Variants in TMEM108 observed in about 807,000 individuals in gnomAD.
TMEM108 encodes the protein cancer/testis antigen 124.
In TMEM108, 12 loss-of-function variants were observed where a neutral mutation model predicts 35.1. The observed-to-expected ratio is 0.34, with a 90% CI of 0.22 to 0.55. The LOEUF is 0.55. TMEM108 is among the 20% of genes least tolerant of loss of function. The pLI is 0.89. For synonymous variants in TMEM108, 287 were observed against 308.6 expected, an observed-to-expected ratio of 0.93 and a Z score of 0.73; for missense variants, 680 against 753.3, an observed-to-expected ratio of 0.90 and a Z score of 1.14.
rs1003114192 is a variant in TMEM108 at position 133,048,096 on chromosome 3, T to TA, written c.-47+2084dup. Among the ~76,000 whole-genome samples, 148 of 151,812 alleles carry TA rather than the reference T, an allele frequency of 9.7e-4. 1 individual carries two copies. The highest frequency in any genetic ancestry group is 1.9e-4 in the East Asian group (1 of 5,166). ...GGATGAAAACTTTCCTTTGCAAAGT[T>TA]AAAAAAAAGGGAAGAGTGGATGAGG... On this transcript the variant is annotated intron_variant, in intron 2 of 5. Transcript: ENST00000321871.
At chr3:133,134,976 A>C (rs1944544189) in intron 2 of TMEM108, among the ~76,000 whole-genome samples, 1 of 152,182 alleles carries the variant, frequency 6.6e-6, no homozygotes, top group African/African-American at 2.4e-5. Flanking sequence ...CCTTTAAAAA[A>C]AAAATCTCTA....
chr3:133,109,351 G>A (rs1944198249), intron 2 of TMEM108, among the ~76,000 whole-genome samples: 1 of 152,112 alleles, frequency 6.6e-6, no homozygotes, highest in South Asian at 2.1e-4. Flanking sequence ...GGTACTGCCA[G>A]GCATAGTGGC....
intron 3 of TMEM108, among the ~76,000 whole-genome samples, chr3:133,309,339 G>C (rs1005456322): frequency 6.6e-6 from 1 of 151,992 alleles, no homozygotes; most frequent in African/African-American, 2.4e-5. Context: ...TTTTTTGAAG[G>C]GTTTTTTGTG....
intron 2 of TMEM108, among the ~76,000 whole-genome samples, chr3:133,175,857 A>G (rs1460987724): frequency 6.6e-6 from 1 of 152,242 alleles, no homozygotes; most frequent in African/African-American, 2.4e-5. Flanking sequence ...AAATGCTTCA[A>G]TTAAAAGACA....
At chr3:133,322,753 A>G (rs988072532) in intron 3 of TMEM108, among the ~76,000 whole-genome samples, 1 of 152,206 alleles carries the variant, frequency 6.6e-6, no homozygotes, top group African/African-American at 2.4e-5. Flanking sequence ...GTGAATATAG[A>G]TGCAAAAAAC....
At chr3:133,219,537 G>A (rs1945957421) in intron 2 of TMEM108, among the ~76,000 whole-genome samples, 1 of 151,940 alleles carries the variant, frequency 6.6e-6, no homozygotes. Flanking sequence ...CTTTGGTGTA[G>A]TATGTGCTTA....
intron 2 of TMEM108, among the ~76,000 whole-genome samples, chr3:133,193,745 C>T (rs1276761523): frequency 6.6e-6 from 1 of 152,054 alleles, no homozygotes; most frequent in Non-Finnish European, 1.5e-5. Flanking sequence ...AGGTCTCTTT[C>T]TCATATTACT....
intron 2 of TMEM108, among the ~76,000 whole-genome samples, chr3:133,126,045 A>G (rs1226145051): frequency 6.6e-6 from 1 of 152,216 alleles, no homozygotes; most frequent in African/African-American, 2.4e-5. Flanking sequence ...GCCAAATGCC[A>G]AATTGTAATT....
intron 2 of TMEM108, among the ~76,000 whole-genome samples, chr3:133,056,465 C>T (rs1310332454): frequency 6.6e-6 from 1 of 152,180 alleles, no homozygotes; most frequent in Non-Finnish European, 1.5e-5. Context: ...GAATGGGAAT[C>T]ATAACTACCT....
chr3:133,091,286 C>T (rs1350089878), intron 2 of TMEM108, among the ~76,000 whole-genome samples: 1 of 152,132 alleles, frequency 6.6e-6, no homozygotes, highest in Non-Finnish European at 1.5e-5. Flanking sequence ...TCTAGATCCT[C>T]TTTACAGGGA....
At position 133,379,841 on chromosome 3, in the gene TMEM108, G is replaced by GAGGTGGT; in HGVS notation, c.130_131insAGGTGGT (p.Gly44GlufsTer69). The GAGGTGGT allele has an allele frequency of 6.2e-7, 1 of 1,613,932 alleles. No homozygotes were observed. Among genetic ancestry groups the GAGGTGGT allele is most frequent in the Non-Finnish European group, 8.5e-7 (1 of 1,179,920 alleles). On this transcript the variant is annotated frameshift_variant, in exon 4 of 6. Transcript: ENST00000321871. LOFTEE classifies it high-confidence loss of function. The stretch of plus-strand genomic sequence containing the variant: ...GGAATCTCTTCAGGTCCTCCCTTCA[G>GAGGTGGT]GCACTCCCCCGGGAACCATGGTGAC...
chr3:133,143,871 T>C (rs947492773), intron 2 of TMEM108, among the ~76,000 whole-genome samples: 2 of 152,184 alleles, frequency 1.3e-5, no homozygotes, highest in African/African-American at 2.4e-5. Flanking sequence ...GCTTCCTCTC[T>C]TCTCTGATAC....
chr3:133,244,996 A>C, intron 3 of TMEM108, among the ~76,000 whole-genome samples: 1 of 152,240 alleles, frequency 6.6e-6, no homozygotes, highest in East Asian at 1.9e-4. Context: ...AAAGGTAAGC[A>C]TCAGATAAGC....
intron 2 of TMEM108, among the ~76,000 whole-genome samples, chr3:133,072,217 G>T (rs964961554): frequency 7.9e-5 from 12 of 151,968 alleles, no homozygotes; most frequent in African/African-American, 2.9e-4. Context: ...CCCTGCAAAT[G>T]GCATCTAAAG....
At chr3:133,281,998 A>C (rs953860605) in intron 3 of TMEM108, among the ~76,000 whole-genome samples, 3 of 152,122 alleles carry the variant, frequency 2.0e-5, no homozygotes, top group Non-Finnish European at 2.9e-5. Context: ...TCTACTAAAA[A>C]TACAAAAAAT....
In TMEM108 at chr3:133,266,649, T is replaced by G. The variant is rs185968159; in HGVS notation, c.40+37298T>G. On this transcript the variant is annotated intron_variant, in intron 3 of 5. Coordinates refer to ENST00000321871, the MANE Select transcript of TMEM108 (RefSeq NM_023943.4). Reference sequence around the variant, plus strand: ...AGGTAATTCTGATATGTTCTCCTGATTAAGTGCACTAAAGTCAGTCAGTCA... The same window carrying G: ...AGGTAATTCTGATATGTTCTCCTGAGTAAGTGCACTAAAGTCAGTCAGTCA... 7.7e-4 allele frequency among the ~76,000 whole-genome samples: 118 copies of G among 152,304 alleles called. 1 individual carries two copies. The highest frequency in any genetic ancestry group is 2.6e-3 in the African/African-American group (107 of 41,564).
chr3:133,305,498 G>A (rs35224447), intron 3 of TMEM108, among the ~76,000 whole-genome samples: 51,808 of 151,574 alleles, frequency 0.34, 9,204 homozygotes, highest in East Asian at 0.48. Context: ...CATGTACCCT[G>A]AAATATAAAG....
In TMEM108 at chr3:133,397,620, G is replaced by A. The variant is rs982542405; in HGVS notation, c.*1634G>A. 1 of 152,010 alleles carries A rather than the reference G, an allele frequency of 6.6e-6. No individual in the cohort carries two copies. Among genetic ancestry groups the A allele is most frequent in the Non-Finnish European group, 1.5e-5 (1 of 68,014 alleles). The allele number at this position is 152,010 out of a possible 1,614,324, so 9.4% of individuals were successfully genotyped here. A position where few individuals can be genotyped will look rare whatever the true frequency, so the allele number is the denominator to read the frequency against. The stretch of plus-strand genomic sequence containing the variant: ...ATACCAATGTGTGTAAGTATACAGA[G>A]AAAAATCTGTTTGTAAAGTAAAATT... On this transcript the variant is annotated 3_prime_UTR_variant, in exon 6 of 6. Coordinates refer to ENST00000321871, the MANE Select transcript of TMEM108 (RefSeq NM_023943.4).
At chr3:133,185,079 T>A (rs1945399536) in intron 2 of TMEM108, among the ~76,000 whole-genome samples, 1 of 152,342 alleles carries the variant, frequency 6.6e-6, no homozygotes, top group Non-Finnish European at 1.5e-5. Context: ...ATATTCCTGA[T>A]CCCATGATGG....
Sources: allele counts gnomAD v4.1 joint callset (sites outside exome capture counted in the v4.1 genomes callset), GRCh38; gene constraint gnomAD v4.1.1; transcripts MANE v1.5; gene names NCBI Gene and HGNC (gene_info 2026-07-23, HGNC 2026-07-21).